The following SNCAIP variants were observed in gnomAD, a reference collection of about 807,000 sequenced individuals.
The protein encoded by SNCAIP is synphilin-1.
Under a neutral mutation model 86.7 loss-of-function variants are expected in SNCAIP, and 43 were observed. The ratio of observed to expected loss-of-function variants is 0.50; its 90% CI spans 0.39 to 0.64. SNCAIP has a LOEUF of 0.64. Among genes scored for constraint, SNCAIP ranks in the 30% least tolerant of loss-of-function variants. The probability of loss-of-function intolerance (pLI) is 0.00; values close to 1 mark genes in which losing one functional copy is unlikely to be tolerated. For missense variants in SNCAIP, 981 were observed against 1,103.1 expected, an observed-to-expected ratio of 0.89 and a Z score of 1.57; for synonymous variants, 417 against 427.2, an observed-to-expected ratio of 0.98 and a Z score of 0.29.
intron 1 of SNCAIP, among the ~76,000 whole-genome samples, chr5:122,372,539 T>C (rs1344971392): frequency 6.6e-6 from 1 of 152,190 alleles, no homozygotes; most frequent in Admixed American, 6.5e-5. Flanking sequence ...ATCACTATAA[T>C]ATACTTGGAT....
At chr5:122,444,265 A>G in intron 7 of SNCAIP, 1 of 507,578 alleles carries the variant, frequency 2.0e-6, no homozygotes, top group Non-Finnish European at 3.8e-6. Flanking sequence ...CCCAACCATG[A>G]CAAGAGACAG....
chr5:122,342,499 T>A (rs927717690), intron 1 of SNCAIP, among the ~76,000 whole-genome samples: 3 of 152,194 alleles, frequency 2.0e-5, no homozygotes. Flanking sequence ...TGCCACTTAA[T>A]AGCTGTCAGC....
intron 1 of SNCAIP, among the ~76,000 whole-genome samples, chr5:122,356,727 C>T (rs1215374629): frequency 6.6e-6 from 1 of 152,182 alleles, no homozygotes; most frequent in Non-Finnish European, 1.5e-5. Context: ...TCCTTCCTCA[C>T]ATACACATAT....
intron 1 of SNCAIP, among the ~76,000 whole-genome samples, chr5:122,339,222 G>A (rs1757086299): frequency 6.6e-6 from 1 of 152,098 alleles, no homozygotes; most frequent in South Asian, 2.1e-4. Context: ...GACACTGAGT[G>A]GGCCATATCA....
At chr5:122,461,870 T>C (rs1786406858) in intron 10 of SNCAIP, among the ~76,000 whole-genome samples, 1 of 152,094 alleles carries the variant, frequency 6.6e-6, no homozygotes, top group Admixed American at 6.6e-5. Flanking sequence ...GGTTTCGCCA[T>C]GTTGGCCAAG....
intron 10 of SNCAIP, chr5:122,453,109 G>C (rs889089630): frequency 3.2e-6 from 2 of 620,486 alleles, no homozygotes; most frequent in Admixed American, 5.2e-5. Flanking sequence ...CACCAAGGAA[G>C]AAGAAAATTA....
intron 1 of SNCAIP, among the ~76,000 whole-genome samples, chr5:122,350,156 A>G (rs990661046): frequency 1.3e-5 from 2 of 152,318 alleles, no homozygotes; most frequent in Middle Eastern, 6.8e-3. Flanking sequence ...TCCCATTTCT[A>G]CATTTGGAAT....
intron 7 of SNCAIP, chr5:122,443,996 T>G (rs1781712585): frequency 2.2e-6 from 1 of 444,794 alleles, no homozygotes; most frequent in Admixed American, 2.4e-5. Flanking sequence ...GCCTGCTCAA[T>G]CCACAGACAT....
intron 1 of SNCAIP, among the ~76,000 whole-genome samples, chr5:122,313,497 T>C (rs1256630319): frequency 6.6e-6 from 1 of 152,236 alleles, no homozygotes; most frequent in Non-Finnish European, 1.5e-5. Flanking sequence ...GCTGAATCTG[T>C]AGGAAGGGAA....
At chr5:122,373,377 T>C (rs17149109) in intron 1 of SNCAIP, among the ~76,000 whole-genome samples, 17,362 of 152,110 alleles carry the variant, frequency 0.11, 1,106 homozygotes, top group South Asian at 0.24. Context: ...GTGATATCAG[T>C]TGATGATTTT....
At chr5:122,371,278 A>C (rs535657457) in intron 1 of SNCAIP, 59 of 151,550 alleles carry the variant, frequency 3.9e-4, no homozygotes, top group African/African-American at 1.4e-3. Flanking sequence ...CTGTTATCCA[A>C]CCTAGGTAAC....
chr5:122,345,396 G>A (rs1365492309), intron 1 of SNCAIP, among the ~76,000 whole-genome samples: 1 of 152,102 alleles, frequency 6.6e-6, no homozygotes, highest in East Asian at 1.9e-4. Flanking sequence ...TATATAAAAA[G>A]TCCTAAAGAG....
rs374807561 is a variant in SNCAIP at position 122,335,720 on chromosome 5, G to T, written c.-47+23436G>T. Among the ~76,000 whole-genome samples the T allele has an allele frequency of 1.5e-4, 23 of 152,338 alleles. No homozygotes were observed. The East Asian group carries it at 3.3e-3, about 22-fold the overall frequency. The stretch of plus-strand genomic sequence containing the variant: ...TAAAGCCTCAGCCAACCCATGGAGA[G>T]CTCTGAAGCTAGGAGGGCTCTTCGG... On this transcript the variant is annotated intron_variant, in intron 1 of 10. Coordinates refer to ENST00000261368, the MANE Select transcript of SNCAIP (RefSeq NM_005460.4).
intron 1 of SNCAIP, among the ~76,000 whole-genome samples, chr5:122,347,521 A>C (rs975491239): frequency 1.3e-5 from 2 of 151,974 alleles, no homozygotes; most frequent in Non-Finnish European, 2.9e-5. Flanking sequence ...GCATGCTAAA[A>C]TCATAAGCAT....
chr5:122,323,057 A>T (rs1236317587), intron 1 of SNCAIP, among the ~76,000 whole-genome samples: 2 of 152,180 alleles, frequency 1.3e-5, no homozygotes, highest in East Asian at 3.9e-4. Flanking sequence ...AAGTGGTGAA[A>T]GGTTTAAAAG....
chr5:122,327,616 G>T (rs537222083), intron 1 of SNCAIP, among the ~76,000 whole-genome samples: 171 of 152,242 alleles, frequency 1.1e-3, no homozygotes, highest in African/African-American at 3.8e-3. Flanking sequence ...TGTGAAGAAG[G>T]TACTTGCTTC....
chr5:122,390,995 C>G (rs1454799960), intron 1 of SNCAIP, 94 bp from the exon 2 acceptor site: 1 of 713,582 alleles, frequency 1.4e-6, no homozygotes, highest in Non-Finnish European at 2.5e-6. Context: ...ACCCAATAAC[C>G]CTTCTCATCT....
intron 10 of SNCAIP, among the ~76,000 whole-genome samples, chr5:122,459,441 A>G (rs1420836643): frequency 6.6e-6 from 1 of 152,206 alleles, no homozygotes; most frequent in East Asian, 1.9e-4. Context: ...TCCAAAAATG[A>G]AATAGAGGAG....
intron 1 of SNCAIP, among the ~76,000 whole-genome samples, chr5:122,363,480 C>T (rs2152772769): frequency 6.6e-6 from 1 of 152,242 alleles, no homozygotes; most frequent in Non-Finnish European, 1.5e-5. Context: ...GACCATGGCC[C>T]TGATGGTTGA....
Sources: gnomAD v4.1 joint callset for allele counts (sites outside exome capture counted in the v4.1 genomes callset) on GRCh38, gnomAD v4.1.1 for gene constraint, MANE v1.5 for transcripts, NCBI Gene and HGNC (gene_info 2026-07-23, HGNC 2026-07-21) for gene names.